HOOK3: variants seen among roughly 807,000 people sequenced by gnomAD.
HOOK3 encodes hook microtubule tethering protein 3, also known as protein Hook homolog 3.
Under a neutral mutation model 116.3 loss-of-function variants are expected in HOOK3, and 24 were observed. The ratio of observed to expected loss-of-function variants is 0.21; its 90% CI spans 0.15 to 0.29. The LOEUF is 0.29. Ranked by LOEUF, HOOK3 falls within the 10% of genes least tolerant of loss-of-function variation. The pLI is 1.00. For synonymous variants in HOOK3, 275 were observed against 283.0 expected (o/e 0.97, Z 0.28); for missense variants, 632 against 830.2 (o/e 0.76, Z 2.93).
At chr8:42,983,690 G>T (rs2130448202) in intron 14 of HOOK3, among the ~76,000 whole-genome samples, 1 of 152,224 alleles carries the variant, frequency 6.6e-6, no homozygotes, top group African/African-American at 2.4e-5. Context: ...TCCCAGGCTG[G>T]TCTTGAACTC....
chr8:42,904,306 C>CTTTTTTT (rs753501072), intron 1 of HOOK3, among the ~76,000 whole-genome samples: 2 of 122,420 alleles, frequency 1.6e-5, no homozygotes, highest in African/African-American at 6.2e-5. Context: ...CCGGTATGAT[C>CTTTTTTT]TTTTTTTTTT....
chr8:42,904,153 G>A (rs557986747), intron 1 of HOOK3, among the ~76,000 whole-genome samples: 2 of 152,134 alleles, frequency 1.3e-5, no homozygotes, highest in Admixed American at 1.3e-4. Context: ...ATAAAAATTT[G>A]TGTGAAGACA....
chr8:43,009,695 G>A (rs969687151), intron 18 of HOOK3, among the ~76,000 whole-genome samples: 11 of 152,012 alleles, frequency 7.2e-5, no homozygotes, highest in African/African-American at 2.7e-4. Context: ...CCCATTTTAA[G>A]CCATTTTTAG....
rs1809882887 is a variant in HOOK3 at position 43,023,802 on chromosome 8, T to G, written c.*5304T>G. The stretch of plus-strand genomic sequence containing the variant: ...AAGTAGCAGTTTGGTTTATTCTCGT[T>G]TGCTAAGTAATTGTTTGAAATATTT... On this transcript the variant is annotated 3_prime_UTR_variant, in exon 22 of 22. Coordinates refer to ENST00000307602, the MANE Select transcript of HOOK3 (RefSeq NM_032410.4). 1.5e-5 allele frequency: 3 copies of G among 202,312 alleles called. No individual in the cohort carries two copies. Among genetic ancestry groups the G allele is most frequent in the Non-Finnish European group, 3.1e-5 (3 of 98,344 alleles). 12.5% of individuals were successfully genotyped at this position (202,312 alleles called of 1,614,324 possible).
intron 16 of HOOK3, chr8:43,000,176 T>C: frequency 1.4e-6 from 1 of 732,438 alleles, no homozygotes. Context: ...CTTTTACTTC[T>C]GTTCATGAAT....
intron 17 of HOOK3, among the ~76,000 whole-genome samples, chr8:43,004,739 C>T (rs1292920613): frequency 7.3e-6 from 1 of 137,212 alleles, no homozygotes; most frequent in African/African-American, 2.7e-5. Context: ...AAATTGTTAA[C>T]ATTTAAAAAA....
At chr8:42,981,898 A>G (rs1313818022) in intron 13 of HOOK3, among the ~76,000 whole-genome samples, 1 of 150,538 alleles carries the variant, frequency 6.6e-6, no homozygotes, top group Non-Finnish European at 1.5e-5. Context: ...AAAAAAAAAA[A>G]AAGAATAAGG....
At chr8:42,970,042 T>A (rs948862624) in intron 11 of HOOK3, among the ~76,000 whole-genome samples, 1 of 152,350 alleles carries the variant, frequency 6.6e-6, no homozygotes, top group East Asian at 1.9e-4. Flanking sequence ...CTATTTTCTT[T>A]ACAAAGATTT....
At chr8:42,908,389 A>G (rs1404689239) in intron 2 of HOOK3, among the ~76,000 whole-genome samples, 4 of 152,254 alleles carry the variant, frequency 2.6e-5, no homozygotes, top group Admixed American at 2.0e-4. Context: ...AGCTGGAGAA[A>G]TCTCACTACC....
intron 13 of HOOK3, among the ~76,000 whole-genome samples, chr8:42,975,277 C>A (rs1335366559): frequency 6.6e-6 from 1 of 152,170 alleles, no homozygotes; most frequent in Admixed American, 6.5e-5. Flanking sequence ...ATTTTTATTC[C>A]AGCCCTTGAC....
At chr8:43,015,739 G>C (rs934766398) in intron 21 of HOOK3, among the ~76,000 whole-genome samples, 9 of 151,846 alleles carry the variant, frequency 5.9e-5, no homozygotes, top group African/African-American at 2.2e-4. Flanking sequence ...TATTTTTTGA[G>C]ACGGAGTCTC....
At chr8:42,982,307 G>A (rs1366316958) in intron 13 of HOOK3, among the ~76,000 whole-genome samples, 1 of 151,018 alleles carries the variant, frequency 6.6e-6, no homozygotes, top group Non-Finnish European at 1.5e-5. Flanking sequence ...TAGAATAGAG[G>A]TTACCAGGGG....
intron 17 of HOOK3, among the ~76,000 whole-genome samples, chr8:43,003,450 T>A (rs1381457177): frequency 6.6e-6 from 1 of 152,138 alleles, no homozygotes; most frequent in African/African-American, 2.4e-5. Context: ...AAAAAAAAAA[T>A]TCTCATTCCT....
chr8:42,957,890 C>T (rs1222157614), intron 7 of HOOK3, among the ~76,000 whole-genome samples: 3 of 146,218 alleles, frequency 2.1e-5, no homozygotes, highest in East Asian at 2.0e-4. Flanking sequence ...AGTGCAGTGG[C>T]GCAATCTCGG....
At chr8:42,944,821 A>G (rs1468507206) in intron 5 of HOOK3, among the ~76,000 whole-genome samples, 2 of 150,996 alleles carry the variant, frequency 1.3e-5, no homozygotes, top group African/African-American at 2.4e-5. Flanking sequence ...TTTTTCTCAG[A>G]AAAAAAAAAT....
At chr8:42,944,268 T>C (rs1808182621) in intron 5 of HOOK3, among the ~76,000 whole-genome samples, 1 of 149,320 alleles carries the variant, frequency 6.7e-6, no homozygotes, top group African/African-American at 2.5e-5. Context: ...AAAAAAAAAT[T>C]AGCTGAGTGT....
At chr8:42,915,001 A>G (rs962220283) in intron 2 of HOOK3, among the ~76,000 whole-genome samples, 10 of 152,128 alleles carry the variant, frequency 6.6e-5, no homozygotes, top group African/African-American at 2.4e-4. Flanking sequence ...AATTACTCAT[A>G]AAAGTTGAAA....
intron 2 of HOOK3, among the ~76,000 whole-genome samples, chr8:42,912,432 C>G (rs1352813087): frequency 2.0e-5 from 3 of 152,062 alleles, no homozygotes; most frequent in Non-Finnish European, 4.4e-5. Context: ...TTTTTAAGAG[C>G]TGTTTTACCT....
chr8:42,969,773 T>C (rs1249164655), intron 11 of HOOK3, among the ~76,000 whole-genome samples: 2 of 152,242 alleles, frequency 1.3e-5, no homozygotes, highest in Non-Finnish European at 2.9e-5. Flanking sequence ...ATTTCTTTTG[T>C]AAATTTCCTA....
Sources: allele counts gnomAD v4.1 joint callset (sites outside exome capture counted in the v4.1 genomes callset), GRCh38; gene constraint gnomAD v4.1.1; transcripts MANE v1.5; gene names NCBI Gene and HGNC (gene_info 2026-07-23, HGNC 2026-07-21).